The following CAMSAP1 variants were observed in gnomAD, a reference collection of about 807,000 sequenced individuals.
CAMSAP1 encodes the protein calmodulin-regulated spectrin-associated protein 1.
A neutral mutation model predicts 143.5 loss-of-function variants in CAMSAP1; 58 were observed. The ratio of observed to expected loss-of-function variants is 0.40; its 90% CI spans 0.33 to 0.50. The LOEUF (loss-of-function observed/expected upper bound fraction) is 0.50. CAMSAP1 is among the 20% of genes least tolerant of loss of function. The pLI is 0.45. For synonymous variants in CAMSAP1, 945 were observed against 859.3 expected, an observed-to-expected ratio of 1.10 and a Z score of -1.74; for missense variants, 1,969 against 2,115.7, an observed-to-expected ratio of 0.93 and a Z score of 1.36.
chr9:135,871,484 C>T (rs977578784), intron 3 of CAMSAP1, among the ~76,000 whole-genome samples: 2 of 152,136 alleles, frequency 1.3e-5, no homozygotes, highest in Non-Finnish European at 2.9e-5. Flanking sequence ...CACACACAGC[C>T]CCTTCTAATT....
At chr9:135,837,077 T>A (rs1836086865) in intron 7 of CAMSAP1, 1 of 542,160 alleles carries the variant, frequency 1.8e-6, no homozygotes, top group Non-Finnish European at 2.3e-6. Flanking sequence ...CAGACACACA[T>A]CATCACGCAC....
intron 7 of CAMSAP1, among the ~76,000 whole-genome samples, chr9:135,838,747 G>A (rs1462531102): frequency 7.6e-6 from 1 of 131,568 alleles, no homozygotes; most frequent in Non-Finnish European, 1.6e-5. Context: ...CTTTCCACCT[G>A]TTCTACAGAC....
intron 1 of CAMSAP1, among the ~76,000 whole-genome samples, chr9:135,901,993 A>T (rs1376279572): frequency 3.9e-5 from 6 of 152,186 alleles, no homozygotes; most frequent in Admixed American, 3.3e-4. Context: ...ACCATTCAAC[A>T]AGTATTTGAG....
intron 1 of CAMSAP1, among the ~76,000 whole-genome samples, chr9:135,906,418 A>C (rs1838778682): frequency 6.6e-6 from 1 of 152,254 alleles, no homozygotes; most frequent in Non-Finnish European, 1.5e-5. Flanking sequence ...TCCACTAAGC[A>C]CATTAGGGCC....
Position 135,850,126 on chromosome 9 carries a change from C to G in CAMSAP1, c.1045+11G>C. On this transcript the variant is annotated intron_variant, in intron 7 of 16. Transcript: ENST00000389532. ...AAACCATTGCCAACCTGGGGAATAT[C>G]TGTCACTCACCGTCTTTCAGCTCCT... The G allele has an allele frequency of 1.3e-6, 2 of 1,597,918 alleles. No individual in the cohort carries two copies. The highest frequency in any genetic ancestry group is 1.7e-4 in the Middle Eastern group (1 of 6,028).
At chr9:135,867,947 G>A (rs771173812) in intron 3 of CAMSAP1, among the ~76,000 whole-genome samples, 4 of 152,272 alleles carry the variant, frequency 2.6e-5, no homozygotes, top group South Asian at 2.1e-4. Context: ...ACAAGACAAC[G>A]GTTGAAAGTC....
At position 135,822,843 on chromosome 9, in the gene CAMSAP1, C is replaced by T. The variant is rs771638179; in HGVS notation, c.1818G>A (p.Lys606=). 47 of 1,613,888 alleles carry T rather than the reference C, an allele frequency of 2.9e-5. No homozygotes were observed. The highest frequency in any genetic ancestry group is 3.7e-5 in the Non-Finnish European group (44 of 1,179,890). The change falls in exon 11 of 17, where the codon AAG becomes AAA. Residue 606 remains lysine, a synonymous_variant. Coordinates refer to ENST00000389532, the MANE Select transcript of CAMSAP1 (RefSeq NM_015447.4). The surrounding 1 kb of genome is among the most constrained non-coding windows in gnomAD (Gnocchi z 6.1). Reference sequence around the variant, plus strand: ...GTTCATCCTCCTTGGTGATCACCTGCTTCTCTTTCGCTGGCTTAAGAACTG... The same window carrying T: ...GTTCATCCTCCTTGGTGATCACCTGTTTCTCTTTCGCTGGCTTAAGAACTG... ...MPAVLKPAKE[K]QVITKEDERG...
Position 135,811,957 on chromosome 9 carries a change from G to C in CAMSAP1, c.4507-346C>G, listed in dbSNP as rs555189143. On this transcript the variant is annotated intron_variant, in intron 16 of 16. Transcript: ENST00000389532. The surrounding 1 kb of genome is among the most constrained non-coding windows in gnomAD (Gnocchi z 4.9). ...AAGGACGGCTGGAACCCAGAAGCAGGGCGGTAACGAGTGCTGGCGAGCCAT... is the reference window on the plus strand; with the variant it reads ...AAGGACGGCTGGAACCCAGAAGCAGCGCGGTAACGAGTGCTGGCGAGCCAT... 2.0e-5 allele frequency among the ~76,000 whole-genome samples: 3 copies of C among 152,182 alleles called. No homozygotes were observed. Among genetic ancestry groups the C allele is most frequent in the Non-Finnish European group, 4.4e-5 (3 of 68,024 alleles).
intron 1 of CAMSAP1, among the ~76,000 whole-genome samples, chr9:135,903,670 T>C (rs986720529): frequency 2.0e-5 from 3 of 152,248 alleles, no homozygotes; most frequent in African/African-American, 7.2e-5. Flanking sequence ...GGGCTTTAGT[T>C]AGCAACCTAA....
At chr9:135,876,200 A>T (rs1837742283) in intron 3 of CAMSAP1, among the ~76,000 whole-genome samples, 1 of 152,086 alleles carries the variant, frequency 6.6e-6, no homozygotes, top group Admixed American at 6.5e-5. Flanking sequence ...CAATCTGCCC[A>T]CCTCGGCCTC....
intron 3 of CAMSAP1, among the ~76,000 whole-genome samples, chr9:135,878,841 C>T (rs1253626391): frequency 1.3e-5 from 2 of 151,998 alleles, no homozygotes; most frequent in African/African-American, 2.4e-5. Flanking sequence ...AAACCACTAA[C>T]GTAAGGAACT....
intron 7 of CAMSAP1, among the ~76,000 whole-genome samples, chr9:135,832,154 G>A (rs943778810): frequency 6.6e-6 from 1 of 152,112 alleles, no homozygotes; most frequent in African/African-American, 2.4e-5. Flanking sequence ...GATTAACACA[G>A]ATGTAAAAAT....
chr9:135,851,799 C>T (rs1359321723), intron 5 of CAMSAP1, among the ~76,000 whole-genome samples: 1 of 152,238 alleles, frequency 6.6e-6, no homozygotes, highest in African/African-American at 2.4e-5. Context: ...TGGTCCTCCA[C>T]GATTTCTCAC....
At chr9:135,819,285 TAC>T in intron 11 of CAMSAP1, 139 bp from the exon 12 acceptor site, 3 of 1,198,820 alleles carry the variant, frequency 2.5e-6, no homozygotes, top group African/African-American at 3.1e-5. Flanking sequence ...CTCTAACCGT[TAC>T]AGACTCTGAA....
At chr9:135,839,276 CA>C (rs1316447442) in intron 7 of CAMSAP1, among the ~76,000 whole-genome samples, 1 of 152,208 alleles carries the variant, frequency 6.6e-6, no homozygotes, top group Non-Finnish European at 1.5e-5. Context: ...CTGTGCCTGC[CA>C]CATGCATATG....
chr9:135,903,458 T>C (rs899282345), intron 1 of CAMSAP1, among the ~76,000 whole-genome samples: 12 of 152,192 alleles, frequency 7.9e-5, no homozygotes, highest in East Asian at 1.9e-4. Context: ...CGAATGAAAC[T>C]GAAGGAAGTG....
intron 7 of CAMSAP1, among the ~76,000 whole-genome samples, chr9:135,841,375 A>G (rs1836343435): frequency 6.6e-6 from 1 of 152,160 alleles, no homozygotes; most frequent in Non-Finnish European, 1.5e-5. Flanking sequence ...TAAAACTCCC[A>G]TCTCCCTGGG....
chr9:135,870,032 G>T (rs1436229827), intron 3 of CAMSAP1, among the ~76,000 whole-genome samples: 2 of 152,174 alleles, frequency 1.3e-5, no homozygotes, highest in Non-Finnish European at 2.9e-5. Flanking sequence ...AGAGAATGAC[G>T]TCTGGCTGCT....
intron 7 of CAMSAP1, among the ~76,000 whole-genome samples, chr9:135,849,095 G>A (rs926441484): frequency 3.3e-5 from 5 of 152,198 alleles, no homozygotes; most frequent in Non-Finnish European, 7.3e-5. Flanking sequence ...TAAACCCATC[G>A]TAAACTGAAA....
Sources: allele counts gnomAD v4.1 joint callset (sites outside exome capture counted in the v4.1 genomes callset), GRCh38; gene constraint gnomAD v4.1.1; non-coding constraint Gnocchi (gnomAD v3.1); transcripts MANE v1.5; gene names NCBI Gene and HGNC (gene_info 2026-07-23, HGNC 2026-07-21).